GALNT17: variants seen among roughly 807,000 people sequenced by gnomAD.
GALNT17 encodes UDP-GalNAc:polypeptide N-acetylgalactosaminyltransferase-like 3.
In GALNT17, 29 loss-of-function variants were observed where a neutral mutation model predicts 63.7. The ratio of observed to expected loss-of-function variants is 0.46; its 90% CI spans 0.34 to 0.62. GALNT17 has a LOEUF of 0.62. Among genes scored for constraint, GALNT17 ranks in the 20% least tolerant of loss-of-function variants. The probability of loss-of-function intolerance (pLI) is 0.01; values close to 1 mark genes in which losing one functional copy is unlikely to be tolerated. For missense variants in GALNT17, 603 were observed against 799.6 expected (o/e 0.75, Z 2.97); for synonymous variants, 305 against 318.3 (o/e 0.96, Z 0.45).
chr7:71,487,454 T>C (rs1202574431), intron 5 of GALNT17, among the ~76,000 whole-genome samples: 1 of 151,992 alleles, frequency 6.6e-6, no homozygotes, highest in Non-Finnish European at 1.5e-5. Context: ...GTCCAGGGAA[T>C]AGTTGAGAGT....
At chr7:71,198,549 C>T (rs1177374325) in intron 1 of GALNT17, among the ~76,000 whole-genome samples, 2 of 152,212 alleles carry the variant, frequency 1.3e-5, no homozygotes, top group Non-Finnish European at 2.9e-5. Context: ...ACCTGGACTA[C>T]CAGTAAGTGG....
At chr7:71,617,106 A>C (rs1790222000) in intron 6 of GALNT17, among the ~76,000 whole-genome samples, 1 of 148,278 alleles carries the variant, frequency 6.7e-6, no homozygotes, top group Admixed American at 6.8e-5. Flanking sequence ...TATATACTTA[A>C]TTATATAGTA....
chr7:71,591,731 C>T (rs559115592), intron 6 of GALNT17, among the ~76,000 whole-genome samples: 133 of 152,186 alleles, frequency 8.7e-4, no homozygotes, highest in African/African-American at 3.2e-3. Context: ...GGCGTGATCT[C>T]GGCTCACTGC....
intron 5 of GALNT17, among the ~76,000 whole-genome samples, chr7:71,470,514 GA>G (rs1278992715): frequency 6.6e-6 from 1 of 152,034 alleles, no homozygotes. Context: ...CCCAGATTCA[GA>G]AAGGAAAAAC....
intron 5 of GALNT17, among the ~76,000 whole-genome samples, chr7:71,448,443 C>G (rs573930185): frequency 2.0e-4 from 30 of 151,754 alleles, no homozygotes; most frequent in African/African-American, 7.2e-4. Flanking sequence ...TGGACTGTTT[C>G]TTTGTTTTTC....
intron 1 of GALNT17, among the ~76,000 whole-genome samples, chr7:71,275,764 A>G (rs1790671664): frequency 6.6e-6 from 1 of 152,088 alleles, no homozygotes; most frequent in African/African-American, 2.4e-5. Flanking sequence ...CTGTTGATAG[A>G]ACTCTCCTTC....
At chr7:71,472,579 G>A (rs1315840814) in intron 5 of GALNT17, among the ~76,000 whole-genome samples, 4 of 152,112 alleles carry the variant, frequency 2.6e-5, no homozygotes, top group South Asian at 2.1e-4. Flanking sequence ...CCAGCTAGTC[G>A]GGAGGCAGAG....
chr7:71,190,925 G>GC (rs1441921089), intron 1 of GALNT17, among the ~76,000 whole-genome samples: 7 of 152,138 alleles, frequency 4.6e-5, no homozygotes, highest in African/African-American at 1.7e-4. Flanking sequence ...GAGCCACTGT[G>GC]CCTGGCTTGA....
chr7:71,326,649 T>G (rs1791710169), intron 1 of GALNT17, among the ~76,000 whole-genome samples: 1 of 152,250 alleles, frequency 6.6e-6, no homozygotes, highest in Non-Finnish European at 1.5e-5. Flanking sequence ...TATTTGTTAC[T>G]TTTAGAAATA....
At chr7:71,177,288 A>G (rs1788657209) in intron 1 of GALNT17, among the ~76,000 whole-genome samples, 1 of 152,034 alleles carries the variant, frequency 6.6e-6, no homozygotes, top group Admixed American at 6.6e-5. Flanking sequence ...GTCCTTGATC[A>G]ATATCTCTGT....
At chr7:71,172,868 T>C (rs1788569921) in intron 1 of GALNT17, among the ~76,000 whole-genome samples, 1 of 152,116 alleles carries the variant, frequency 6.6e-6, no homozygotes, top group African/African-American at 2.4e-5. Context: ...ACTTTTGAAA[T>C]GAGGTGTTGT....
In GALNT17 at chr7:71,310,722, A is replaced by G. The variant is rs986700286; in HGVS notation, c.239-24828A>G. On this transcript the variant is annotated intron_variant, in intron 1 of 10. Transcript: ENST00000333538. ...ATTAGCAAAGATGAATCCTTCCAGA[A>G]TCTTTTCAGAAGACTTTCCTTTCTA... 2.0e-5 allele frequency among the ~76,000 whole-genome samples: 3 copies of G among 152,218 alleles called. No individual in the cohort carries two copies. The South Asian group carries it at 6.2e-4, about 31-fold the overall frequency.
chr7:71,436,432 C>T (rs1262604775), intron 5 of GALNT17, among the ~76,000 whole-genome samples: 1 of 151,910 alleles, frequency 6.6e-6, no homozygotes, highest in Non-Finnish European at 1.5e-5. Flanking sequence ...AAAATGTATC[C>T]ATGTTGGCTG....
chr7:71,160,153 A>G (rs1202896626), intron 1 of GALNT17, among the ~76,000 whole-genome samples: 1 of 151,926 alleles, frequency 6.6e-6, no homozygotes, highest in Non-Finnish European at 1.5e-5. Context: ...TGGAAATGAG[A>G]AAATAAATTT....
intron 1 of GALNT17, among the ~76,000 whole-genome samples, chr7:71,209,951 T>C (rs1789344507): frequency 6.6e-6 from 1 of 151,884 alleles, no homozygotes; most frequent in Non-Finnish European, 1.5e-5. Flanking sequence ...GGGACAGAGT[T>C]TCGCTCTGTC....
chr7:71,555,070 A>G (rs1293374856), intron 5 of GALNT17, among the ~76,000 whole-genome samples: 2 of 152,124 alleles, frequency 1.3e-5, no homozygotes, highest in Non-Finnish European at 2.9e-5. Flanking sequence ...AGAGGGAGCA[A>G]GAGAGACAAG....
At position 71,496,738 on chromosome 7, in the gene GALNT17, G is replaced by A. The variant is rs184790398; in HGVS notation, c.963-74547G>A. Among the ~76,000 whole-genome samples the A allele has an allele frequency of 3.3e-3, 506 of 151,978 alleles. 4 individuals are homozygous for A. The highest frequency in any genetic ancestry group is 0.012 in the African/African-American group (486 of 41,466). On this transcript the variant is annotated intron_variant, in intron 5 of 10. Coordinates refer to ENST00000333538, the MANE Select transcript of GALNT17 (RefSeq NM_022479.3). ...TGAGTTCAGTGTTCTCAATTGAACC[G>A]GCCTAAATATCAATCACTGAAAATG... is the stretch of plus-strand genomic sequence containing the variant.
intron 2 of GALNT17, among the ~76,000 whole-genome samples, chr7:71,356,520 C>T (rs1792289186): frequency 6.6e-6 from 1 of 152,126 alleles, no homozygotes; most frequent in Non-Finnish European, 1.5e-5. Flanking sequence ...AGCCAGCCTG[C>T]AGAGATTGCA....
intron 6 of GALNT17, among the ~76,000 whole-genome samples, chr7:71,631,847 G>A (rs770086369): frequency 2.1e-4 from 32 of 152,110 alleles, no homozygotes; most frequent in African/African-American, 7.5e-4. Flanking sequence ...AATTCTGCAC[G>A]TGTCTGTGCT....
Sources: allele counts gnomAD v4.1 joint callset (sites outside exome capture counted in the v4.1 genomes callset), GRCh38; gene constraint gnomAD v4.1.1; transcripts MANE v1.5; gene names NCBI Gene and HGNC (gene_info 2026-07-23, HGNC 2026-07-21).